The following ARID1B variants were observed in gnomAD, a reference collection of about 807,000 sequenced individuals.
ARID1B encodes AT-rich interaction domain 1B.
Under a neutral mutation model 212.3 loss-of-function variants are expected in ARID1B, and 30 were observed. The ratio of observed to expected loss-of-function variants is 0.14; its 90% CI spans 0.11 to 0.19. ARID1B has a LOEUF of 0.19. ARID1B is among the 10% of genes least tolerant of loss of function. The pLI, the probability that ARID1B is intolerant of heterozygous loss-of-function variation, is 1.00. For synonymous variants in ARID1B, 1,402 were observed against 1,301.7 expected (o/e 1.08, Z -1.66); for missense variants, 2,891 against 3,204.0 (o/e 0.90, Z 2.36).
intron 4 of ARID1B, among the ~76,000 whole-genome samples, chr6:157,011,178 AT>A (rs1400539105): frequency 7.2e-5 from 11 of 152,282 alleles, no homozygotes; most frequent in Non-Finnish European, 1.3e-4. Context: ...TTGGTGACTA[AT>A]CATGGTCAAG....
At chr6:157,122,020 C>T (rs992797600) in intron 6 of ARID1B, among the ~76,000 whole-genome samples, 42 of 152,166 alleles carry the variant, frequency 2.8e-4, no homozygotes, top group Non-Finnish European at 5.4e-4. Flanking sequence ...GTCTGGAAAA[C>T]TCACTTATCT....
intron 4 of ARID1B, among the ~76,000 whole-genome samples, chr6:156,964,458 T>C (rs1015171531): frequency 9.9e-5 from 15 of 152,230 alleles, no homozygotes; most frequent in Non-Finnish European, 1.8e-4. Flanking sequence ...TCATCCCTCA[T>C]GTGCTGTGAG....
chr6:157,178,613 T>C (rs113789654), intron 11 of ARID1B, among the ~76,000 whole-genome samples: 3,437 of 152,272 alleles, frequency 0.023, 134 homozygotes, highest in African/African-American at 0.078. Flanking sequence ...TAAAAATGCC[T>C]CTTAGAAGAT....
chr6:157,161,841 T>G (rs918607651), intron 8 of ARID1B, among the ~76,000 whole-genome samples: 1 of 152,214 alleles, frequency 6.6e-6, no homozygotes. Context: ...TTTTCTGGCT[T>G]CATAACCCAG....
intron 12 of ARID1B, among the ~76,000 whole-genome samples, chr6:157,182,885 A>G: frequency 6.6e-6 from 1 of 151,928 alleles, no homozygotes; most frequent in Admixed American, 6.6e-5. Context: ...TCTCCCCTGC[A>G]CCTAGCCTCT....
intron 5 of ARID1B, chr6:157,108,073 G>C (rs1177275270): frequency 1.3e-5 from 2 of 152,182 alleles, no homozygotes; most frequent in Non-Finnish European, 2.9e-5. Context: ...TAGTAACTAT[G>C]ACTTAGTAGT....
At chr6:157,131,012 A>T (rs184439224) in intron 6 of ARID1B, among the ~76,000 whole-genome samples, 1 of 152,318 alleles carries the variant, frequency 6.6e-6, no homozygotes, top group African/African-American at 2.4e-5. Flanking sequence ...TCACAGCTCC[A>T]TCTATGAACT....
Position 157,057,771 on chromosome 6 carries a change from A to G in ARID1B, c.2248-26891A>G, listed in dbSNP as rs540984183. Among the ~76,000 whole-genome samples the G allele has an allele frequency of 1.8e-4, 28 of 152,318 alleles. No homozygotes were observed. The East Asian group carries it at 3.3e-3, about 18-fold the overall frequency. ...TCTCATTATTTTTGAAAATGTGTCA[A>G]AATTTTAAAATAGCCATAAATATTT... On this transcript the variant is annotated intron_variant, in intron 4 of 19. Transcript: ENST00000636930.
intron 4 of ARID1B, among the ~76,000 whole-genome samples, chr6:157,049,418 C>T (rs964677507): frequency 6.6e-6 from 1 of 152,020 alleles, no homozygotes; most frequent in African/African-American, 2.4e-5. Context: ...GAGAGAAGTA[C>T]GGGGAGGGAC....
Position 157,167,276 on chromosome 6 carries a change from A to T in ARID1B, c.3235+91A>T, listed in dbSNP as rs1791398611. The T allele has an allele frequency of 8.2e-6, 12 of 1,458,920 alleles. No homozygotes were observed. The Admixed American group carries it at 2.9e-4, about 36-fold the overall frequency. The allele number at this position is 1,458,920 out of a possible 1,614,324, so 90.4% of individuals were successfully genotyped here. A position where few individuals can be genotyped will look rare whatever the true frequency, so the allele number is the denominator to read the frequency against. ...AGTGAATCTGCCTAAACGGCCCGAG[A>T]AGGTGGATCAGTTGGCGAAAGTGGG... On this transcript the variant is annotated intron_variant, in intron 9 of 19. Transcript: ENST00000636930.
intron 2 of ARID1B, among the ~76,000 whole-genome samples, chr6:156,837,080 G>A (rs1361202593): frequency 6.6e-6 from 1 of 152,124 alleles, no homozygotes; most frequent in Admixed American, 6.5e-5. Context: ...AAGAGAAAGA[G>A]GTGTTTCTTT....
rs565988504 is a variant in ARID1B, at chr6:156,953,176, T to C, written c.2247+17600T>C. 1.2e-4 allele frequency among the ~76,000 whole-genome samples: 18 copies of C among 152,326 alleles called. No homozygotes were observed. In the South Asian group the frequency reaches 1.9e-3, roughly 16 times the overall value. The stretch of plus-strand genomic sequence containing the variant: ...TCCCCTTCACAGGGCTTTAAAAATA[T>C]CTTGAGTATGTTGGGGTTAGATTGG... On this transcript the variant is annotated intron_variant, in intron 4 of 19. Coordinates refer to ENST00000636930, the MANE Select transcript of ARID1B (RefSeq NM_001374828.1).
At chr6:156,883,149 T>C (rs1787235186) in intron 2 of ARID1B, among the ~76,000 whole-genome samples, 1 of 152,244 alleles carries the variant, frequency 6.6e-6, no homozygotes, top group East Asian at 1.9e-4. Flanking sequence ...TTCGGGGCTC[T>C]CTCCCTGCAT....
rs1790422059 is a variant in ARID1B at position 156,917,134 on chromosome 6, A to T, written c.2136+15609A>T. ...AAGTAACCCTATTTAAGAAGTCACC[A>T]TTTTTTTTTTAGAGAGTATGGATCT... On this transcript the variant is annotated intron_variant, in intron 3 of 19. Coordinates refer to ENST00000636930, the MANE Select transcript of ARID1B (RefSeq NM_001374828.1). 2.7e-5 allele frequency among the ~76,000 whole-genome samples: 4 copies of T among 148,976 alleles called. No homozygotes were observed. In the South Asian group the frequency reaches 8.5e-4, roughly 32 times the overall value.
intron 1 of ARID1B, among the ~76,000 whole-genome samples, chr6:156,796,466 AAATCTCT>A (rs559703116): frequency 9.8e-4 from 146 of 149,628 alleles, no homozygotes; most frequent in African/African-American, 3.5e-3. Context: ...AGCCACGTTT[AAATCTCT>A]GTCATTATGA....
At chr6:157,074,500 C>T (rs775482583) in intron 4 of ARID1B, among the ~76,000 whole-genome samples, 29 of 152,316 alleles carry the variant, frequency 1.9e-4, no homozygotes, top group African/African-American at 6.3e-4. Flanking sequence ...GCTAGGATTA[C>T]AGGCATGAGA....
intron 4 of ARID1B, among the ~76,000 whole-genome samples, chr6:157,040,552 C>T (rs1562570801): frequency 6.6e-6 from 1 of 152,112 alleles, no homozygotes. Flanking sequence ...AATTTACAAG[C>T]TTAATATTGA....
chr6:156,866,643 T>C (rs1164239353), intron 2 of ARID1B, among the ~76,000 whole-genome samples: 1 of 152,222 alleles, frequency 6.6e-6, no homozygotes, highest in Non-Finnish European at 1.5e-5. Context: ...GTTAAAAATA[T>C]GTGAGTCATA....
intron 7 of ARID1B, among the ~76,000 whole-genome samples, chr6:157,138,394 C>A (rs922297581): frequency 6.6e-6 from 1 of 152,106 alleles, no homozygotes; most frequent in Non-Finnish European, 1.5e-5. Flanking sequence ...CACCCCACGC[C>A]GGGCTAATTT....
Sources: gnomAD v4.1 joint callset for allele counts (sites outside exome capture counted in the v4.1 genomes callset) on GRCh38, gnomAD v4.1.1 for gene constraint, MANE v1.5 for transcripts, NCBI Gene and HGNC (gene_info 2026-07-23, HGNC 2026-07-21) for gene names.